Variants in SRPX observed in about 807,000 individuals in gnomAD.
SRPX encodes sushi repeat-containing protein SRPX.
In SRPX, 24 loss-of-function variants were observed where a neutral mutation model predicts 38.1. That is an observed-to-expected ratio of 0.63 (90% CI 0.46 to 0.89). SRPX has a LOEUF of 0.89. Ranked by LOEUF, SRPX falls within the 40% of genes least tolerant of loss-of-function variation. SRPX has a pLI of 0.00. For missense variants in SRPX, 416 were observed against 377.8 expected (o/e 1.10, Z -0.84); for synonymous variants, 184 against 153.8 (o/e 1.20, Z -1.45).
At chrX:38,203,423 T>C (rs1347953430) in intron 1 of SRPX, among the ~76,000 whole-genome samples, 1 of 112,083 alleles carries the variant, frequency 8.9e-6, no homozygotes, top group Non-Finnish European at 1.9e-5. Context: ...ATACAGGTAA[T>C]CCTAGCCAGT....
Position 38,149,548 on chromosome X carries a change from A to G in SRPX, c.*163T>C. On this transcript the variant is annotated 3_prime_UTR_variant, in exon 10 of 10. Transcript: ENST00000378533. The stretch of plus-strand genomic sequence containing the variant: ...AATTTTTTGAAACACTTCCAAGTAC[A>G]AAAAGCAGCATGCTAATTTTTAAGT... 1 of 508,190 alleles carries G rather than the reference A, an allele frequency of 2.0e-6. No individual in the cohort carries two copies. Among genetic ancestry groups the G allele is most frequent in the Non-Finnish European group, 3.0e-6 (1 of 334,403 alleles). 41.9% of individuals were successfully genotyped at this position (508,190 alleles called of 1,213,427 possible). A position where few individuals can be genotyped will look rare whatever the true frequency, so the allele number is the denominator to read the frequency against.
At position 38,162,026 on chromosome X, in the gene SRPX, G is replaced by T. The variant is rs182065532; in HGVS notation, c.654-972C>A. 7.1e-5 allele frequency among the ~76,000 whole-genome samples: 8 copies of T among 112,053 alleles called. No homozygotes were observed. In the East Asian group the frequency reaches 1.4e-3, roughly 20 times the overall value. ...TTACCAGGTATGAGAGAGGGGTCTT[G>T]GGAAAATGTCAGAAATCCCACTATT... On this transcript the variant is annotated intron_variant, in intron 5 of 9. Transcript: ENST00000378533.
intron 1 of SRPX, among the ~76,000 whole-genome samples, chrX:38,179,166 G>A (rs752094532): frequency 9.1e-6 from 1 of 110,469 alleles, no homozygotes; most frequent in South Asian, 3.9e-4. Flanking sequence ...GGCTGGTCGC[G>A]AACTCCCGAC....
intron 9 of SRPX, 145 bp from the exon 10 acceptor site, chrX:38,150,039 T>A: frequency 2.1e-6 from 1 of 479,640 alleles, no homozygotes. Flanking sequence ...CCCTGTCTAC[T>A]CCAACTGTGA....
At chrX:38,156,351 A>T (rs1202113003) in intron 8 of SRPX, among the ~76,000 whole-genome samples, 1 of 111,954 alleles carries the variant, frequency 8.9e-6, no homozygotes, top group South Asian at 3.8e-4. Flanking sequence ...TAGAGTGCTT[A>T]GGAATCACCT....
At chrX:38,208,531 A>C (rs1254891017) in intron 1 of SRPX, among the ~76,000 whole-genome samples, 1 of 112,136 alleles carries the variant, frequency 8.9e-6, no homozygotes, top group African/African-American at 3.2e-5. Context: ...TAAGAATCGT[A>C]AGCACAGAAA....
intron 8 of SRPX, among the ~76,000 whole-genome samples, chrX:38,155,748 A>T (rs1186526417): frequency 8.9e-6 from 1 of 112,383 alleles, no homozygotes; most frequent in Non-Finnish European, 1.9e-5. Flanking sequence ...ATGCATGATC[A>T]TGGAATATAG....
In SRPX at chrX:38,160,136, C is replaced by T. The variant is rs147827511; in HGVS notation, c.836G>A (p.Gly279Asp). The stretch of plus-strand genomic sequence containing the variant: ...CTCACAGGTGGCTCCATAATTATCA[C>T]CGTCGCTGGAGCACTTCATGTAACC... ...ENGYMKCSSD[G>D]DNYGATCEFS... Residue 279 changes from glycine (G) to aspartate (D), a missense_variant, in exon 7 of 10, where the codon GGT becomes GAT. Coordinates refer to ENST00000378533, the MANE Select transcript of SRPX (RefSeq NM_006307.5). 24 of 1,211,921 alleles carry T rather than the reference C, an allele frequency of 2.0e-5. No homozygotes were observed. The highest frequency in any genetic ancestry group is 2.7e-5 in the Non-Finnish European group (24 of 895,506).
chrX:38,157,056 C>A, intron 7 of SRPX, 27 bp from the exon 8 acceptor site: 1 of 1,204,929 alleles, frequency 8.3e-7, no homozygotes, highest in South Asian at 1.8e-5. Context: ...CCACATGGGT[C>A]AGAAACCTTC....
intron 1 of SRPX, among the ~76,000 whole-genome samples, chrX:38,217,077 T>C (rs1318573784): frequency 8.9e-6 from 1 of 112,386 alleles, no homozygotes; most frequent in Non-Finnish European, 1.9e-5. Context: ...CAATGGCCCA[T>C]CACTGGAGTT....
At position 38,191,848 on chromosome X, in the gene SRPX, C is replaced by G. The variant is rs1188745785; in HGVS notation, c.98-13504G>C. On this transcript the variant is annotated intron_variant, in intron 1 of 9. Coordinates refer to ENST00000378533, the MANE Select transcript of SRPX (RefSeq NM_006307.5). The stretch of plus-strand genomic sequence containing the variant: ...AAAACAATTGTATTACACACCTTAT[C>G]TAGAACTCCCAAGTTGATAATCAGA... Among the ~76,000 whole-genome samples, 3 of 112,160 alleles carry G rather than the reference C, an allele frequency of 2.7e-5. No individual in the cohort carries two copies. The Admixed American group carries it at 2.8e-4, about 11-fold the overall frequency.
chrX:38,165,373 A>T (rs1938347098), intron 4 of SRPX, among the ~76,000 whole-genome samples: 1 of 112,469 alleles, frequency 8.9e-6, no homozygotes, highest in Non-Finnish European at 1.9e-5. Context: ...CCAAGGCTTC[A>T]TTCCAACTGC....
Position 38,152,085 on chromosome X carries a change from T to A in SRPX, c.1212-2191A>T, listed in dbSNP as rs148434747. 5.9e-4 allele frequency among the ~76,000 whole-genome samples: 66 copies of A among 111,860 alleles called. No homozygotes were observed. In the East Asian group the frequency reaches 0.018, roughly 30 times the overall value. ...ATAGCCAGACAAGAGAATTTTTACA[T>A]TATGCAGGCATTATGCTTTTCCTTC... On this transcript the variant is annotated intron_variant, in intron 9 of 9. Transcript: ENST00000378533.
At chrX:38,179,938 T>A (rs568740476) in intron 1 of SRPX, among the ~76,000 whole-genome samples, 3 of 110,801 alleles carry the variant, frequency 2.7e-5, no homozygotes, top group African/African-American at 9.9e-5. Flanking sequence ...AGAACCCATC[T>A]CAAAAACAAA....
intron 1 of SRPX, among the ~76,000 whole-genome samples, chrX:38,209,590 A>G (rs764581477): frequency 3.6e-5 from 4 of 111,822 alleles, no homozygotes; most frequent in Non-Finnish European, 5.6e-5. Flanking sequence ...CCATGGAGAA[A>G]AGGGTCACTC....
At chrX:38,198,839 G>A (rs1415587119) in intron 1 of SRPX, among the ~76,000 whole-genome samples, 4 of 111,170 alleles carry the variant, frequency 3.6e-5, no homozygotes, top group Admixed American at 2.8e-4. Context: ...TAAGCCACTC[G>A]TAATAAATAT....
intron 6 of SRPX, among the ~76,000 whole-genome samples, chrX:38,160,582 G>T (rs1377797769): frequency 9.0e-6 from 1 of 111,596 alleles, no homozygotes; most frequent in African/African-American, 3.3e-5. Flanking sequence ...AAATTAGGGG[G>T]CTCCTATTCA....
intron 7 of SRPX, among the ~76,000 whole-genome samples, chrX:38,158,676 G>A (rs776874906): frequency 9.0e-6 from 1 of 111,291 alleles, no homozygotes; most frequent in African/African-American, 3.3e-5. Flanking sequence ...TTTTCTAGTT[G>A]CCTCATTAAA....
At chrX:38,160,714 ACTC>A in intron 6 of SRPX, among the ~76,000 whole-genome samples, 1 of 110,369 alleles carries the variant, frequency 9.1e-6, no homozygotes, top group East Asian at 2.8e-4. Context: ...AGTCCTGGGA[ACTC>A]CTTAAATAAT....
Sources: allele counts gnomAD v4.1 joint callset (sites outside exome capture counted in the v4.1 genomes callset), GRCh38; gene constraint gnomAD v4.1.1; transcripts MANE v1.5; gene names NCBI Gene and HGNC (gene_info 2026-07-23, HGNC 2026-07-21).